MYO5B: variants seen among roughly 807,000 people sequenced by gnomAD.
The protein encoded by MYO5B is myosin VB.
MYO5B carries 143 observed loss-of-function variants against 229.3 expected under a neutral mutation model. That is an observed-to-expected ratio of 0.62 (90% confidence interval 0.54 to 0.72). The LOEUF is 0.72. Ranked by LOEUF, MYO5B falls within the 30% of genes least tolerant of loss-of-function variation. The pLI, the probability that MYO5B is intolerant of heterozygous loss-of-function variation, is 0.00. For synonymous variants in MYO5B, 918 were observed against 885.2 expected (o/e 1.04, Z -0.66); for missense variants, 2,321 against 2,331.0 (o/e 1.00, Z 0.09).
At chr18:50,127,204 G>T (rs1313021329) in intron 1 of MYO5B, among the ~76,000 whole-genome samples, 1 of 152,160 alleles carries the variant, frequency 6.6e-6, no homozygotes, top group Non-Finnish European at 1.5e-5. Context: ...TAATTCAAAA[G>T]CATTTGATGA....
intron 1 of MYO5B, among the ~76,000 whole-genome samples, chr18:50,092,032 G>C (rs2031458503): frequency 6.6e-6 from 1 of 152,158 alleles, no homozygotes; most frequent in South Asian, 2.1e-4. Context: ...GGCTATTTCA[G>C]GGCTGTTACT....
intron 4 of MYO5B, among the ~76,000 whole-genome samples, chr18:50,018,984 T>C (rs756983753): frequency 2.0e-5 from 3 of 152,198 alleles, no homozygotes; most frequent in Admixed American, 6.5e-5. Context: ...GTCTACATGA[T>C]TGCCCACTTA....
At chr18:50,009,234 T>C (rs1322557220) in intron 4 of MYO5B, among the ~76,000 whole-genome samples, 4 of 151,988 alleles carry the variant, frequency 2.6e-5, no homozygotes, top group African/African-American at 9.7e-5. Context: ...AAAAATTAGC[T>C]GGGTGTGGTG....
intron 10 of MYO5B, among the ~76,000 whole-genome samples, chr18:49,964,852 G>A (rs1406386449): frequency 6.6e-6 from 1 of 152,216 alleles, no homozygotes; most frequent in East Asian, 1.9e-4. Context: ...GGCAGGGGAA[G>A]GTGGAACCGT....
At chr18:50,074,986 G>T (rs1259797896) in intron 1 of MYO5B, among the ~76,000 whole-genome samples, 2 of 152,066 alleles carry the variant, frequency 1.3e-5, no homozygotes, top group Non-Finnish European at 2.9e-5. Flanking sequence ...ACCCTGTAGA[G>T]ACAGGGTTTC....
At chr18:49,960,551 T>C (rs1420217367) in intron 12 of MYO5B, among the ~76,000 whole-genome samples, 1 of 152,230 alleles carries the variant, frequency 6.6e-6, no homozygotes, top group Non-Finnish European at 1.5e-5. Flanking sequence ...TTTTGACAAA[T>C]GTAATAACAC....
At chr18:50,138,422 G>C (rs1431604837) in intron 1 of MYO5B, among the ~76,000 whole-genome samples, 5 of 152,132 alleles carry the variant, frequency 3.3e-5, no homozygotes, top group Admixed American at 2.0e-4. Context: ...TTTGGGGGGG[G>C]TGGCAGGAGC....
intron 4 of MYO5B, among the ~76,000 whole-genome samples, chr18:50,031,660 T>C (rs534239582): frequency 6.6e-6 from 1 of 152,298 alleles, no homozygotes; most frequent in East Asian, 1.9e-4. Flanking sequence ...ATTCTTATCC[T>C]TGGAAATGTA....
intron 1 of MYO5B, among the ~76,000 whole-genome samples, chr18:50,143,664 T>A (rs1667528343): frequency 6.6e-6 from 1 of 152,102 alleles, no homozygotes; most frequent in Non-Finnish European, 1.5e-5. Context: ...TGACTACAGG[T>A]AGAAGGAATA....
intron 1 of MYO5B, among the ~76,000 whole-genome samples, chr18:50,109,111 CT>C (rs1212478175): frequency 2.1e-4 from 32 of 152,302 alleles, no homozygotes; most frequent in Admixed American, 1.9e-3. Context: ...ACCACTTCCC[CT>C]ATCCACAGCT....
Position 50,194,840 on chromosome 18 carries a change from G to T in MYO5B, c.-47C>A, listed in dbSNP as rs572247142. 7.8e-6 allele frequency: 10 copies of T among 1,286,582 alleles called. No homozygotes were observed. The African/African-American group carries it at 1.4e-4, about 18-fold the overall frequency. The allele number at this position is 1,286,582 out of a possible 1,614,324, so 79.7% of individuals were successfully genotyped here. A position where few individuals can be genotyped will look rare whatever the true frequency, so the allele number is the denominator to read the frequency against. On this transcript the variant is annotated 5_prime_UTR_variant, in exon 1 of 40. Transcript: ENST00000285039. ...GGGCCCCGGCTCCTGGCTGCCCCGC[G>T]GCTCTCAGTCCGCGGCTGGCCCGCC...
At chr18:49,884,364 C>A (rs112141974) in intron 22 of MYO5B, among the ~76,000 whole-genome samples, 1 of 151,978 alleles carries the variant, frequency 6.6e-6, no homozygotes, top group Non-Finnish European at 1.5e-5. Flanking sequence ...TACTTTATTT[C>A]TATTATTATT....
intron 1 of MYO5B, among the ~76,000 whole-genome samples, chr18:50,185,307 G>A (rs1184122089): frequency 6.6e-6 from 1 of 151,744 alleles, no homozygotes; most frequent in African/African-American, 2.4e-5. Context: ...AAAAAAGAGA[G>A]AGAGAGAGAA....
At chr18:49,924,496 A>C (rs1269140529) in intron 17 of MYO5B, among the ~76,000 whole-genome samples, 1 of 152,230 alleles carries the variant, frequency 6.6e-6, no homozygotes, top group Non-Finnish European at 1.5e-5. Flanking sequence ...TTCAACTACC[A>C]GGCTCTTTCA....
chr18:49,850,427 C>T (rs902598711), intron 31 of MYO5B: 6 of 152,340 alleles, frequency 3.9e-5, no homozygotes, highest in African/African-American at 1.5e-4. Flanking sequence ...AGGAGTTGGC[C>T]CAGTCCCAGG....
At position 49,856,947 on chromosome 18, in the gene MYO5B, G is replaced by A. The variant is rs2024270012; in HGVS notation, c.3945-57C>T. The A allele has an allele frequency of 2.8e-6, 4 of 1,441,014 alleles. No homozygotes were observed. In the South Asian group the frequency reaches 3.4e-5, roughly 12 times the overall value. The allele number at this position is 1,441,014 out of a possible 1,614,324, so 89.3% of individuals were successfully genotyped here. On this transcript the variant is annotated intron_variant, in intron 29 of 39. Coordinates refer to ENST00000285039, the MANE Select transcript of MYO5B (RefSeq NM_001080467.3). ...CAGTGTAGACGGAAGAGACAGGCAG[G>A]CAGGGAGTCCTGGAAAGTGAGGAGA...
Position 49,904,755 on chromosome 18 carries a change from G to T in MYO5B, c.2488C>A (p.Gln830Lys), listed in dbSNP as rs373596171. 25 of 1,613,924 alleles carry T rather than the reference G, an allele frequency of 1.5e-5. No individual in the cohort carries two copies. The highest frequency in any genetic ancestry group is 2.0e-5 in the Non-Finnish European group (24 of 1,180,038). The change falls in exon 20 of 40, where the codon CAG becomes AAG. Residue 830 changes from glutamine (Q) to lysine (K), a missense_variant. This residue lies in a region of MYO5B where 2,113 missense variants were observed against 2,044.7 expected (regional missense o/e 1.03). Coordinates refer to ENST00000285039, the MANE Select transcript of MYO5B (RefSeq NM_001080467.3). ...QKHYRMQRAR[Q>K]AYQRVRRAAV... ...GCTCTGCGGACCCTCTGGTAGGCCT[G>T]GCGGGCCCTCTGCATGCGGTAATGT...
intron 4 of MYO5B, among the ~76,000 whole-genome samples, chr18:50,032,333 C>T (rs1191740142): frequency 6.6e-6 from 1 of 152,154 alleles, no homozygotes; most frequent in Non-Finnish European, 1.5e-5. Flanking sequence ...ACAACCACCC[C>T]CCAAAAAAAC....
chr18:50,151,661 T>C (rs2032600343), intron 1 of MYO5B, among the ~76,000 whole-genome samples: 1 of 152,186 alleles, frequency 6.6e-6, no homozygotes, highest in Non-Finnish European at 1.5e-5. Flanking sequence ...AAAAAGTATA[T>C]ATATACACTA....
Sources: gnomAD v4.1 joint callset for allele counts (sites outside exome capture counted in the v4.1 genomes callset) on GRCh38, gnomAD v4.1.1 for gene constraint, gnomAD v4.1.1 regional missense constraint, MANE v1.5 for transcripts, NCBI Gene and HGNC (gene_info 2026-07-23, HGNC 2026-07-21) for gene names.